The following TP53I11 variants were observed in gnomAD, a reference collection of about 807,000 sequenced individuals.
The protein encoded by TP53I11 is tumor protein p53 inducible protein 11.
A neutral mutation model predicts 23.3 loss-of-function variants in TP53I11; 9 were observed. The observed-to-expected ratio is 0.39, with a 90% CI of 0.23 to 0.67. The LOEUF (loss-of-function observed/expected upper bound fraction) is 0.67. Ranked by LOEUF, TP53I11 falls within the 30% of genes least tolerant of loss-of-function variation. The pLI is 0.48. For missense variants in TP53I11, 170 were observed against 255.2 expected (o/e 0.67, Z 2.27); for synonymous variants, 100 against 106.1 (o/e 0.94, Z 0.35).
intron 1 of TP53I11, among the ~76,000 whole-genome samples, chr11:44,948,280 G>A (rs1211179284): frequency 2.0e-5 from 3 of 152,152 alleles, no homozygotes; most frequent in Non-Finnish European, 4.4e-5. Flanking sequence ...TGTGAAAGGG[G>A]AGGAATTCAT....
intron 3 of TP53I11, 40 bp from the exon 4 acceptor site, chr11:44,937,392 G>A: frequency 6.8e-7 from 1 of 1,476,566 alleles, no homozygotes; most frequent in South Asian, 1.4e-5. Context: ...CTGCCCCAGG[G>A]GACCCTCCCC....
chr11:44,935,784 C>A, intron 5 of TP53I11, 122 bp from the exon 6 acceptor site: 2 of 671,730 alleles, frequency 3.0e-6, no homozygotes, highest in East Asian at 2.7e-5. Context: ...CTGGACTCCA[C>A]GCCTCCGCCC....
chr11:44,948,268 C>T (rs988898149), intron 1 of TP53I11, among the ~76,000 whole-genome samples: 5 of 152,214 alleles, frequency 3.3e-5, no homozygotes, highest in East Asian at 1.9e-4. Context: ...ACTTCCCTCA[C>T]CTGTGAAAGG....
intron 1 of TP53I11, among the ~76,000 whole-genome samples, chr11:44,946,576 G>A (rs994771032): frequency 5.9e-5 from 9 of 152,236 alleles, no homozygotes; most frequent in African/African-American, 2.2e-4. Context: ...ACACAGCTCT[G>A]CAGTTGAGAA....
At chr11:44,938,476 TC>T in intron 1 of TP53I11, 110 bp from the exon 2 acceptor site, 2 of 1,297,400 alleles carry the variant, frequency 1.5e-6, no homozygotes, top group Non-Finnish European at 2.0e-6. Context: ...TGCTGAGGCC[TC>T]CCCACGAGCC....
At chr11:44,949,632 GCCCCGCCCCGCCCA>G (rs1862740503) in intron 1 of TP53I11, among the ~76,000 whole-genome samples, 1 of 151,390 alleles carries the variant, frequency 6.6e-6, no homozygotes, top group Admixed American at 6.6e-5. Context: ...CGAGCGCCCC[GCCCCGCCCCGCCCA>G]GCGGGGCGCG....
At position 44,935,106 on chromosome 11, in the gene TP53I11, G is replaced by A. The variant is rs150621622; in HGVS notation, c.437-89C>T. 2.2e-3 allele frequency: 3,467 copies of A among 1,574,234 alleles called. 5 individuals carry two copies. The highest frequency in any genetic ancestry group is 5.4e-3 in the Admixed American group (322 of 59,154). On this transcript the variant is annotated intron_variant, in intron 6 of 6. Coordinates refer to ENST00000525680, the MANE Select transcript of TP53I11 (RefSeq NM_006034.5). ...CCTAGCCCGGAGCGCTGGTGTGGCC[G>A]TCTCCCTGACTTTGCTCTGAGCCCA... is the stretch of plus-strand genomic sequence containing the variant.
intron 1 of TP53I11, among the ~76,000 whole-genome samples, chr11:44,941,988 ACACCACATATACACACCATAC>A (rs1861802931): frequency 3.1e-4 from 2 of 6,358 alleles, no homozygotes; most frequent in African/African-American, 5.5e-4. Flanking sequence ...ACACACACAC[ACACCACATATACACACCATAC>A]TCACGCCACA....
intron 1 of TP53I11, among the ~76,000 whole-genome samples, chr11:44,946,496 G>A (rs1474746239): frequency 6.6e-6 from 1 of 152,260 alleles, no homozygotes; most frequent in East Asian, 1.9e-4. Flanking sequence ...AGTGAGGACA[G>A]AGCGGAACTG....
intron 1 of TP53I11, 176 bp from the exon 2 acceptor site, chr11:44,938,542 C>T (rs1278890215): frequency 1.1e-5 from 7 of 660,496 alleles, no homozygotes; most frequent in Admixed American, 3.7e-5. Flanking sequence ...TGAGGAAATG[C>T]TCTCCAGGCC....
At chr11:44,939,304 G>A (rs746039900) in intron 1 of TP53I11, 8 of 152,188 alleles carry the variant, frequency 5.3e-5, no homozygotes, top group Non-Finnish European at 5.9e-5. Flanking sequence ...CGCTATTGAC[G>A]GCCACGCTGC....
intron 1 of TP53I11, among the ~76,000 whole-genome samples, chr11:44,942,998 T>A (rs1392529999): frequency 6.6e-6 from 1 of 152,220 alleles, no homozygotes; most frequent in Non-Finnish European, 1.5e-5. Flanking sequence ...GACTCCACCG[T>A]GCACTATGGC....
intron 6 of TP53I11, among the ~76,000 whole-genome samples, chr11:44,935,286 C>G (rs896458855): frequency 6.9e-6 from 1 of 144,966 alleles, no homozygotes; most frequent in Non-Finnish European, 1.6e-5. Flanking sequence ...GTACAGTGGG[C>G]AGTGGGTGTG....
intron 1 of TP53I11, among the ~76,000 whole-genome samples, chr11:44,948,012 G>C (rs1862556774): frequency 6.6e-6 from 1 of 152,208 alleles, no homozygotes. Context: ...TCAGAGTTGG[G>C]TGCTCAGAAG....
intron 6 of TP53I11, 145 bp from the exon 7 acceptor site, chr11:44,935,162 G>GCC: frequency 8.6e-7 from 1 of 1,164,130 alleles, no homozygotes; most frequent in Non-Finnish European, 1.2e-6. Flanking sequence ...CACAGGACCT[G>GCC]CCCCCTGCCC....
At position 44,938,378 on chromosome 11, in the gene TP53I11, C is replaced by A; in HGVS notation, c.-31-12G>T. ...CCTCTGCAGAAGGGCTGAGGGGAGACACCGGCCTCAGGCCACAGTTCCTAC... is the reference window on the plus strand; with the variant it reads ...CCTCTGCAGAAGGGCTGAGGGGAGAAACCGGCCTCAGGCCACAGTTCCTAC... On this transcript the variant is annotated splice_polypyrimidine_tract_variant and intron_variant, in intron 1 of 6. Transcript: ENST00000525680. The A allele has an allele frequency of 6.6e-7, 1 of 1,523,734 alleles. No homozygotes were observed. Among genetic ancestry groups the A allele is most frequent in the Non-Finnish European group, 8.8e-7 (1 of 1,137,456 alleles). 94.4% of individuals were successfully genotyped at this position (1,523,734 alleles called of 1,614,324 possible). A position where few individuals can be genotyped will look rare whatever the true frequency, so the allele number is the denominator to read the frequency against.
chr11:44,938,362 A>T lies in TP53I11; in HGVS notation c.-27T>A. 6.4e-7 allele frequency: 1 copy of T among 1,571,592 alleles called. No homozygotes were observed. The highest frequency in any genetic ancestry group is 1.2e-5 in the South Asian group (1 of 84,766). ...TTCTCCTCCAGCCCGGCCTCTGCAG[A>T]AGGGCTGAGGGGAGACACCGGCCTC... On this transcript the variant is annotated 5_prime_UTR_variant, in exon 2 of 7. Coordinates refer to ENST00000525680, the MANE Select transcript of TP53I11 (RefSeq NM_006034.5).
chr11:44,938,174 G>T, intron 2 of TP53I11, 33 bp downstream of exon 2: 1 of 1,600,196 alleles, frequency 6.2e-7, no homozygotes. Context: ...GGCCTCCCCA[G>T]TGGGTGCCGG....
Position 44,938,351 on chromosome 11 carries a change from G to T in TP53I11, c.-16C>A, listed in dbSNP as rs774671961. Reference sequence around the variant, plus strand: ...TGGCCGCCATCTTCTCCTCCAGCCCGGCCTCTGCAGAAGGGCTGAGGGGAG... The same window carrying T: ...TGGCCGCCATCTTCTCCTCCAGCCCTGCCTCTGCAGAAGGGCTGAGGGGAG... On this transcript the variant is annotated 5_prime_UTR_variant, in exon 2 of 7. Transcript: ENST00000525680. The T allele has an allele frequency of 1.3e-6, 2 of 1,582,212 alleles. No homozygotes were observed. Among genetic ancestry groups the T allele is most frequent in the Non-Finnish European group, 1.7e-6 (2 of 1,165,270 alleles).
Sources: gnomAD v4.1 joint callset for allele counts (sites outside exome capture counted in the v4.1 genomes callset) on GRCh38, gnomAD v4.1.1 for gene constraint, MANE v1.5 for transcripts, NCBI Gene and HGNC (gene_info 2026-07-23, HGNC 2026-07-21) for gene names.